HCN1: variants seen among roughly 807,000 people sequenced by gnomAD.
HCN1 encodes the protein potassium/sodium hyperpolarization-activated cyclic nucleotide-gated channel 1.
In HCN1, 13 loss-of-function variants were observed where a neutral mutation model predicts 78.9. That is an observed-to-expected ratio of 0.16 (90% CI 0.11 to 0.26). The LOEUF (loss-of-function observed/expected upper bound fraction) is 0.26. HCN1 is among the 10% of genes least tolerant of loss of function. The pLI is 1.00. For synonymous variants in HCN1, 552 were observed against 455.5 expected (o/e 1.21, Z -2.70); for missense variants, 810 against 1,154.3 (o/e 0.70, Z 4.32).
At chr5:45,285,523 G>T (rs1200026355) in intron 6 of HCN1, among the ~76,000 whole-genome samples, 1 of 151,756 alleles carries the variant, frequency 6.6e-6, no homozygotes, top group Non-Finnish European at 1.5e-5. Context: ...TTTATTAAGG[G>T]TATTTCGCTT....
At position 45,534,404 on chromosome 5, in the gene HCN1, C is replaced by CAAAAAAAAAAAAAAA. The variant is rs71000637; in HGVS notation, c.850-72412_850-72398dup. 8.2e-4 allele frequency among the ~76,000 whole-genome samples: 24 copies of CAAAAAAAAAAAAAAA among 29,316 alleles called. 7 individuals carry two copies. The highest frequency in any genetic ancestry group is 1.2e-3 in the African/African-American group (7 of 5,888). The allele number at this position is 29,316 out of a possible 152,430, so 19.2% of individuals were successfully genotyped here. A position where few individuals can be genotyped will look rare whatever the true frequency, so the allele number is the denominator to read the frequency against. ...TGGGCAACAGAGTGAGACTGCATCTCAAAAAAAAAAAAAAAAAAAAAAAAA... is the reference window on the plus strand; with the variant it reads ...TGGGCAACAGAGTGAGACTGCATCTCAAAAAAAAAAAAAAAAAAAAAAAAAAAAAAAAAAAAAAAA... On this transcript the variant is annotated intron_variant, in intron 2 of 7. Coordinates refer to ENST00000303230, the MANE Select transcript of HCN1 (RefSeq NM_021072.4).
At chr5:45,327,976 C>A (rs938378745) in intron 5 of HCN1, among the ~76,000 whole-genome samples, 33 of 151,720 alleles carry the variant, frequency 2.2e-4, no homozygotes, top group African/African-American at 7.7e-4. Flanking sequence ...CCCTAAAAAA[C>A]TAATACAGCA....
chr5:45,496,037 A>C (rs1370921432), intron 2 of HCN1, among the ~76,000 whole-genome samples: 1 of 152,166 alleles, frequency 6.6e-6, no homozygotes, highest in Non-Finnish European at 1.5e-5. Context: ...ATCAATGTTC[A>C]TCAAGGATAT....
At chr5:45,271,655 A>G (rs1744963558) in intron 6 of HCN1, among the ~76,000 whole-genome samples, 2 of 152,166 alleles carry the variant, frequency 1.3e-5, no homozygotes, top group Admixed American at 1.3e-4. Context: ...TAATCTTTAT[A>G]TCTCCAGTGC....
intron 4 of HCN1, among the ~76,000 whole-genome samples, chr5:45,384,013 A>G (rs564575207): frequency 6.6e-6 from 1 of 152,280 alleles, no homozygotes; most frequent in Admixed American, 6.5e-5. Flanking sequence ...TTTATATTCT[A>G]AAACAGTAAA....
At chr5:45,319,513 T>C (rs995150726) in intron 5 of HCN1, among the ~76,000 whole-genome samples, 1 of 151,846 alleles carries the variant, frequency 6.6e-6, no homozygotes, top group Non-Finnish European at 1.5e-5. Flanking sequence ...AATAGCCTGT[T>C]TTGTGAGGTG....
At chr5:45,566,625 G>T (rs372822368) in intron 2 of HCN1, among the ~76,000 whole-genome samples, 1 of 151,868 alleles carries the variant, frequency 6.6e-6, no homozygotes, top group Admixed American at 6.6e-5. Flanking sequence ...TTTTCAAAGA[G>T]AAAATAAAAG....
At chr5:45,653,155 C>G (rs1189933519) in intron 1 of HCN1, among the ~76,000 whole-genome samples, 1 of 151,944 alleles carries the variant, frequency 6.6e-6, no homozygotes, top group Admixed American at 6.6e-5. Flanking sequence ...TTTGCCATCC[C>G]CCACCCCAAA....
chr5:45,673,275 C>A (rs1335035492), intron 1 of HCN1, among the ~76,000 whole-genome samples: 1 of 151,500 alleles, frequency 6.6e-6, no homozygotes, highest in Non-Finnish European at 1.5e-5. Context: ...TATATACTAT[C>A]AACATGACTT....
At chr5:45,373,823 A>G (rs1361547957) in intron 4 of HCN1, among the ~76,000 whole-genome samples, 9 of 128,942 alleles carry the variant, frequency 7.0e-5, no homozygotes, top group African/African-American at 2.1e-4. Context: ...CATACGGTAT[A>G]TACGTCATCT....
intron 1 of HCN1, among the ~76,000 whole-genome samples, chr5:45,653,696 C>T (rs552270666): frequency 3.3e-5 from 5 of 151,820 alleles, no homozygotes; most frequent in South Asian, 2.1e-4. Flanking sequence ...AAAATAAATA[C>T]GACCATAGGT....
intron 3 of HCN1, among the ~76,000 whole-genome samples, chr5:45,436,779 C>T (rs1740566623): frequency 6.6e-6 from 1 of 152,178 alleles, no homozygotes; most frequent in Non-Finnish European, 1.5e-5. Flanking sequence ...CTTCTATTCA[C>T]ATAGTCAGTT....
intron 2 of HCN1, among the ~76,000 whole-genome samples, chr5:45,578,174 T>C (rs1743987896): frequency 6.6e-6 from 1 of 151,978 alleles, no homozygotes; most frequent in Admixed American, 6.6e-5. Context: ...CACCACAGTG[T>C]CCTGAGAAGC....
At chr5:45,580,983 T>C (rs1196958717) in intron 2 of HCN1, among the ~76,000 whole-genome samples, 2 of 152,230 alleles carry the variant, frequency 1.3e-5, no homozygotes, top group Non-Finnish European at 2.9e-5. Context: ...TTGTGAATAG[T>C]GCCACAGTGA....
intron 2 of HCN1, among the ~76,000 whole-genome samples, chr5:45,482,394 C>T (rs1392256453): frequency 6.6e-5 from 10 of 152,134 alleles, no homozygotes; most frequent in Admixed American, 2.0e-4. Flanking sequence ...ACTATGTATG[C>T]TTCCCTCCCC....
intron 2 of HCN1, among the ~76,000 whole-genome samples, chr5:45,473,188 A>G (rs1339964207): frequency 1.3e-5 from 2 of 151,918 alleles, no homozygotes; most frequent in East Asian, 3.9e-4. Context: ...TTGTTCCAAT[A>G]TTAACTGACT....
chr5:45,599,590 TA>T (rs1271885408), intron 2 of HCN1, among the ~76,000 whole-genome samples: 8 of 152,042 alleles, frequency 5.3e-5, no homozygotes, highest in African/African-American at 1.9e-4. Flanking sequence ...GGCTACCACT[TA>T]AAAAAACAAA....
At chr5:45,505,322 C>T (rs1207175469) in intron 2 of HCN1, among the ~76,000 whole-genome samples, 2 of 152,234 alleles carry the variant, frequency 1.3e-5, no homozygotes, top group Middle Eastern at 3.4e-3. Context: ...CTACATATGG[C>T]TAGCCAGTTT....
At chr5:45,376,521 G>A (rs930528931) in intron 4 of HCN1, among the ~76,000 whole-genome samples, 2 of 150,628 alleles carry the variant, frequency 1.3e-5, no homozygotes, top group African/African-American at 4.9e-5. Flanking sequence ...AGATATAAAT[G>A]TTGCATAAGC....
Sources: allele counts gnomAD v4.1 joint callset (sites outside exome capture counted in the v4.1 genomes callset), GRCh38; gene constraint gnomAD v4.1.1; transcripts MANE v1.5; gene names NCBI Gene and HGNC (gene_info 2026-07-23, HGNC 2026-07-21).